The following GNB1 variants were observed in gnomAD, a reference collection of about 807,000 sequenced individuals.
GNB1 encodes the protein G protein subunit beta 1, also known as guanine nucleotide-binding protein G(I)/G(S)/G(T) subunit beta-1.
GNB1 carries 2 observed loss-of-function variants against 42.9 expected under a neutral mutation model. That is an observed-to-expected ratio of 0.05 (90% CI 0.02 to 0.15). The LOEUF (loss-of-function observed/expected upper bound fraction) is 0.15. GNB1 is among the 10% of genes least tolerant of loss of function. The pLI is 1.00. For missense variants in GNB1, 193 were observed against 462.2 expected, an observed-to-expected ratio of 0.42 and a Z score of 5.34; for synonymous variants, 183 against 174.7, an observed-to-expected ratio of 1.05 and a Z score of -0.38.
Position 1,809,189 on chromosome 1 carries a change from A to ATT in GNB1, c.204-2653_204-2652dup, listed in dbSNP as rs34549355. Among the ~76,000 whole-genome samples the ATT allele has an allele frequency of 2.2e-3, 201 of 92,658 alleles. 2 individuals are homozygous for ATT. The highest frequency in any genetic ancestry group is 0.016 in the South Asian group (49 of 3,158). 60.8% of individuals were successfully genotyped at this position (92,658 alleles called of 152,430 possible). On this transcript the variant is annotated intron_variant, in intron 5 of 11. Coordinates refer to ENST00000378609, the MANE Select transcript of GNB1 (RefSeq NM_002074.5). ...CCCATCCTATTATTTTTCAGATGCA[A>ATT]TTTTTTTTTTTTTTTTTTTTTTGAG...
rs377758105 is a variant in GNB1 at position 1,834,112 on chromosome 1, T to C, written c.-47+5078A>G. Among the ~76,000 whole-genome samples the C allele has an allele frequency of 7.7e-4, 117 of 152,214 alleles. 4 individuals carry two copies. In the South Asian group the frequency reaches 0.023, roughly 30 times the overall value. ...AGACTCCCCAGAATCATCTCCTTCA[T>C]GTCCCAGTCACAAGTGAGCTCACTC... On this transcript the variant is annotated intron_variant, in intron 2 of 11. Transcript: ENST00000378609.
At chr1:1,855,525 C>A (rs1375015068) in intron 1 of GNB1, among the ~76,000 whole-genome samples, 1 of 151,784 alleles carries the variant, frequency 6.6e-6, no homozygotes, top group Non-Finnish European at 1.5e-5. Context: ...CACAGTGAAA[C>A]CCCATCTCTA....
intron 2 of GNB1, among the ~76,000 whole-genome samples, chr1:1,825,986 T>C (rs1489708849): frequency 2.6e-5 from 4 of 152,216 alleles, no homozygotes; most frequent in Non-Finnish European, 5.9e-5. Flanking sequence ...AATATAATTA[T>C]GATTATTTAT....
At position 1,786,949 on chromosome 1, in the gene GNB1, G is replaced by C. The variant is rs149840053; in HGVS notation, c.*114C>G. 6.4e-6 allele frequency: 1 copy of C among 155,058 alleles called. No homozygotes were observed. Among genetic ancestry groups the C allele is most frequent in the African/African-American group, 2.4e-5 (1 of 41,684 alleles). 9.6% of individuals were successfully genotyped at this position (155,058 alleles called of 1,614,324 possible). ...AAAGATCTTGCCCTTTTGAAGTTCT[G>C]AGGGGAGGTGTAGGGTGTCCACGTT... is the stretch of plus-strand genomic sequence containing the variant. On this transcript the variant is annotated 3_prime_UTR_variant, in exon 12 of 12. Coordinates refer to ENST00000378609, the MANE Select transcript of GNB1 (RefSeq NM_002074.5).
chr1:1,803,471 G>A (rs1430804891), intron 7 of GNB1, among the ~76,000 whole-genome samples: 2 of 152,130 alleles, frequency 1.3e-5, no homozygotes, highest in African/African-American at 4.8e-5. Flanking sequence ...TTGTAGAGAA[G>A]GGGTCTAGCT....
intron 1 of GNB1, among the ~76,000 whole-genome samples, chr1:1,860,776 C>T (rs72634855): frequency 0.052 from 7,974 of 152,052 alleles, 302 homozygotes; most frequent in Non-Finnish European, 0.084. Flanking sequence ...TCTAAATCCA[C>T]CCCAAAAGCC....
At chr1:1,812,528 GA>G (rs1646796597) in intron 5 of GNB1, among the ~76,000 whole-genome samples, 1 of 152,098 alleles carries the variant, frequency 6.6e-6, no homozygotes, top group African/African-American at 2.4e-5. Context: ...AGAAGGCTCT[GA>G]AAAGCAGAGG....
chr1:1,822,352 A>G lies in GNB1; in HGVS notation c.57+3045T>C, dbSNP rs533499279. On this transcript the variant is annotated intron_variant, in intron 3 of 11. Transcript: ENST00000378609. ...AGTCTCGCTCTGTCTCCCAGGCTGG[A>G]GTGTGCAGTGGCGCGCTCTCGCCTC... Among the ~76,000 whole-genome samples the G allele has an allele frequency of 8.9e-3, 1,223 of 137,556 alleles. 20 individuals are homozygous for G. Among genetic ancestry groups the G allele is most frequent in the African/African-American group, 0.033 (1,186 of 36,062 alleles). 90.2% of individuals were successfully genotyped at this position (137,556 alleles called of 152,430 possible). A position where few individuals can be genotyped will look rare whatever the true frequency, so the allele number is the denominator to read the frequency against.
In GNB1 at chr1:1,789,222, G is replaced by C. The variant is rs778819273; in HGVS notation, c.747C>G (p.Thr249=). ...NAFATGSDDA[T]CRLFDLRADQ... is the part of the protein sequence containing the mutation. ...CAGCACGAAGGTCAAACAGCCTGCA[G>C]GTGGCGTCGTCTGAGCCAGTGGCAA... Residue 249 remains threonine, a synonymous_variant, in exon 10 of 12, where the codon ACC becomes ACG. Coordinates refer to ENST00000378609, the MANE Select transcript of GNB1 (RefSeq NM_002074.5). 2 of 1,613,648 alleles carry C rather than the reference G, an allele frequency of 1.2e-6. No homozygotes were observed. Among genetic ancestry groups the C allele is most frequent in the Non-Finnish European group, 1.7e-6 (2 of 1,179,522 alleles).
intron 1 of GNB1, among the ~76,000 whole-genome samples, chr1:1,881,389 G>A (rs6670776): frequency 0.83 from 125,716 of 151,698 alleles, 54,141 homozygotes; most frequent in Non-Finnish European, 0.95. Context: ...AACTCTTTCA[G>A]GGCTTCCTGG....
intron 8 of GNB1, among the ~76,000 whole-genome samples, chr1:1,792,352 TATA>T (rs1424544530): frequency 3.3e-5 from 5 of 151,772 alleles, no homozygotes; most frequent in African/African-American, 1.2e-4. Flanking sequence ...GGTACAAATA[TATA>T]GAGGGGAAAA....
At chr1:1,848,182 A>G (rs1003106026) in intron 1 of GNB1, among the ~76,000 whole-genome samples, 4 of 152,004 alleles carry the variant, frequency 2.6e-5, no homozygotes, top group African/African-American at 9.6e-5. Context: ...GTTCCAGACC[A>G]CCCTGGCCAA....
chr1:1,789,565 G>A (rs560213181), intron 9 of GNB1, among the ~76,000 whole-genome samples: 8 of 152,244 alleles, frequency 5.3e-5, no homozygotes, highest in African/African-American at 1.4e-4. Flanking sequence ...GGCGGCGTGC[G>A]CCTGTAATCC....
chr1:1,808,386 T>A (rs940846742), intron 5 of GNB1, among the ~76,000 whole-genome samples: 1 of 136,366 alleles, frequency 7.3e-6, no homozygotes, highest in Non-Finnish European at 1.7e-5. Context: ...AGCTCCATAC[T>A]ACAAAGGAGA....
At chr1:1,824,919 A>G (rs1252934162) in intron 3 of GNB1, 1 of 153,940 alleles carries the variant, frequency 6.5e-6, no homozygotes, top group Non-Finnish European at 1.4e-5. Context: ...GCAGTCTATC[A>G]GAAGCTGTAG....
intron 1 of GNB1, among the ~76,000 whole-genome samples, chr1:1,856,723 G>C (rs1039587517): frequency 6.6e-6 from 1 of 152,192 alleles, no homozygotes; most frequent in Admixed American, 6.5e-5. Flanking sequence ...ACTGCGCCTG[G>C]CCTAGAATTT....
intron 1 of GNB1, among the ~76,000 whole-genome samples, chr1:1,862,657 C>T (rs1648699051): frequency 6.6e-6 from 1 of 151,910 alleles, no homozygotes; most frequent in Non-Finnish European, 1.5e-5. Flanking sequence ...CAGGGTTTCC[C>T]CCATGTTGCC....
intron 4 of GNB1, 50 bp downstream of exon 4, chr1:1,817,787 G>A (rs775911869): frequency 4.3e-6 from 6 of 1,397,018 alleles, no homozygotes; most frequent in Non-Finnish European, 6.1e-6. Context: ...TGGGTGCCGT[G>A]CTAGCCTCCT....
chr1:1,886,030 G>A (rs934501502), intron 1 of GNB1, among the ~76,000 whole-genome samples: 2 of 150,814 alleles, frequency 1.3e-5, no homozygotes, highest in African/African-American at 4.9e-5. Context: ...TCAGCATTCC[G>A]GCAGGGCACG....
Sources: allele counts gnomAD v4.1 joint callset (sites outside exome capture counted in the v4.1 genomes callset), GRCh38; gene constraint gnomAD v4.1.1; transcripts MANE v1.5; gene names NCBI Gene and HGNC (gene_info 2026-07-23, HGNC 2026-07-21).